The following THOC1 variants were observed in gnomAD, a reference collection of about 807,000 sequenced individuals.
THOC1 encodes the protein THO complex subunit 1.
In THOC1, 29 loss-of-function variants were observed where a neutral mutation model predicts 97.3. The ratio of observed to expected loss-of-function variants is 0.30; its 90% confidence interval spans 0.22 to 0.41. The LOEUF (loss-of-function observed/expected upper bound fraction) is 0.41. THOC1 is among the 10% of genes least tolerant of loss of function. The pLI is 1.00. For missense variants in THOC1, 529 were observed against 761.9 expected (o/e 0.69, Z 3.60); for synonymous variants, 255 against 257.0 (o/e 0.99, Z 0.07).
chr18:237,609 A>AG (rs1178272348), intron 11 of THOC1, among the ~76,000 whole-genome samples: 2 of 143,930 alleles, frequency 1.4e-5, no homozygotes, highest in Non-Finnish European at 3.0e-5. Flanking sequence ...CAGATTAGGA[A>AG]AAAAAAAATA....
In THOC1 at chr18:242,940, A is replaced by G. The variant is rs1471681972; in HGVS notation, c.918+3384T>C. 6.6e-6 allele frequency among the ~76,000 whole-genome samples: 1 copy of G among 152,230 alleles called. No homozygotes were observed. The highest frequency in any genetic ancestry group is 1.5e-5 in the Non-Finnish European group (1 of 68,046). On this transcript the variant is annotated intron_variant, in intron 11 of 20. Transcript: ENST00000261600. The surrounding 1 kb of genome is among the most constrained non-coding windows in gnomAD (Gnocchi z 4.5). ...TAAAATGTTGCATATTTTCCATGAT[A>G]CACGTAATGCATTACAAATATTTTC...
intron 17 of THOC1, among the ~76,000 whole-genome samples, chr18:223,066 A>G (rs186073529): frequency 2.0e-5 from 3 of 152,090 alleles, no homozygotes; most frequent in East Asian, 3.9e-4. Flanking sequence ...TACTTTACCT[A>G]TGTCTAGACT....
At chr18:250,639 G>A (rs912656515) in intron 9 of THOC1, among the ~76,000 whole-genome samples, 1 of 152,206 alleles carries the variant, frequency 6.6e-6, no homozygotes, top group Non-Finnish European at 1.5e-5. Flanking sequence ...GTAGGTAGAT[G>A]GGTAATGAGT....
chr18:224,454 C>T (rs1911204186), intron 15 of THOC1, among the ~76,000 whole-genome samples: 1 of 151,892 alleles, frequency 6.6e-6, no homozygotes. Context: ...TGGTAGGCGC[C>T]TGTAATCCCA....
chr18:221,112 A>T (rs1374364844), intron 17 of THOC1, among the ~76,000 whole-genome samples: 1 of 152,154 alleles, frequency 6.6e-6, no homozygotes, highest in African/African-American at 2.4e-5. Context: ...GGTTATTTAG[A>T]AGTGTGTTTA....
chr18:234,555 T>C (rs566961492), intron 11 of THOC1, among the ~76,000 whole-genome samples: 1 of 151,134 alleles, frequency 6.6e-6, no homozygotes, highest in African/African-American at 2.5e-5. Context: ...TTTTTTTTTG[T>C]TTTGTTTTTT....
In THOC1 at chr18:215,419, C is replaced by T. The variant is rs746775960; in HGVS notation, c.1678+10G>A. Reference sequence around the variant, plus strand: ...ATTTTGTTAAATAACCAAGAAAATTCAGTTCTTACTTTCATTTTCCTTCAG... The same window carrying T: ...ATTTTGTTAAATAACCAAGAAAATTTAGTTCTTACTTTCATTTTCCTTCAG... On this transcript the variant is annotated intron_variant, in intron 20 of 20. Coordinates refer to ENST00000261600, the MANE Select transcript of THOC1 (RefSeq NM_005131.3). 2.6e-5 allele frequency: 42 copies of T among 1,606,406 alleles called. No homozygotes were observed. The highest frequency in any genetic ancestry group is 3.5e-5 in the Non-Finnish European group (41 of 1,173,610).
chr18:245,381 TAGA>T (rs1302084234), intron 11 of THOC1: 1 of 152,198 alleles, frequency 6.6e-6, no homozygotes, highest in Non-Finnish European at 1.5e-5. Flanking sequence ...TCCAAAAGTC[TAGA>T]AGAAGTCTTA....
At chr18:250,404 C>G (rs1912241663) in intron 9 of THOC1, among the ~76,000 whole-genome samples, 1 of 152,094 alleles carries the variant, frequency 6.6e-6, no homozygotes, top group South Asian at 2.1e-4. Flanking sequence ...TTTACCCACA[C>G]AAAGCAAATG....
chr18:214,569 A>C lies in THOC1; in HGVS notation c.*57T>G. The C allele has an allele frequency of 6.9e-7, 1 of 1,439,268 alleles. No homozygotes were observed. The allele number at this position is 1,439,268 out of a possible 1,614,324, so 89.2% of individuals were successfully genotyped here. On this transcript the variant is annotated 3_prime_UTR_variant, in exon 21 of 21. Transcript: ENST00000261600. ...ACCAAAACCAGTGGACCTCTTATCA[A>C]ATGCTGCTTGGTAACAAAATCTATC... is the stretch of plus-strand genomic sequence containing the variant.
rs1912209139 is a variant in THOC1 at position 249,532 on chromosome 18, C to CGG, written c.678-1576_678-1575insCC. On this transcript the variant is annotated intron_variant, in intron 9 of 20. Transcript: ENST00000261600. The stretch of plus-strand genomic sequence containing the variant: ...CAAAAATTACCCAGGCATTGTGGTG[C>CGG]GTGCTTGTAGTCCCAGCTACTCAGG... Among the ~76,000 whole-genome samples, 3 of 152,038 alleles carry CGG rather than the reference C, an allele frequency of 2.0e-5. No individual in the cohort carries two copies. In the South Asian group the frequency reaches 6.2e-4, roughly 32 times the overall value.
chr18:244,467 C>T (rs1407471965), intron 11 of THOC1: 5 of 152,158 alleles, frequency 3.3e-5, no homozygotes, highest in South Asian at 4.2e-4. Context: ...ATATTTAACT[C>T]GGTATAAAAT....
At chr18:248,069 T>G in intron 9 of THOC1, 112 bp from the exon 10 acceptor site, 1 of 689,130 alleles carries the variant, frequency 1.5e-6, no homozygotes, top group South Asian at 2.2e-5. Flanking sequence ...ATGAAAGTTA[T>G]CAGAAAAGTA....
At chr18:246,586 A>G (rs1912095668) in intron 10 of THOC1, 131 bp from the exon 11 acceptor site, 1 of 670,540 alleles carries the variant, frequency 1.5e-6, no homozygotes, top group African/African-American at 1.9e-5. Context: ...AGGCACACTA[A>G]CAATACAAAT....
At chr18:223,770 A>G (rs1185605922) in intron 16 of THOC1, among the ~76,000 whole-genome samples, 1 of 152,222 alleles carries the variant, frequency 6.6e-6, no homozygotes, top group Non-Finnish European at 1.5e-5. Context: ...AGCAATGAAT[A>G]GTTAACTGGA....
intron 7 of THOC1, among the ~76,000 whole-genome samples, chr18:258,255 T>C (rs566847489): frequency 8.6e-5 from 13 of 151,650 alleles, no homozygotes; most frequent in African/African-American, 3.1e-4. Flanking sequence ...CTTATACCTA[T>C]TGGGAGGAGG....
In THOC1 at chr18:214,833, A is replaced by G; in HGVS notation, c.1767T>C (p.Ala589=). The G allele has an allele frequency of 6.2e-7, 1 of 1,613,870 alleles. No homozygotes were observed. ...CTGAGTCTTTCATTTCCAAGTAGGG[A>G]GCCAGAATCTTCCATTGTTCACCCA... The part of the protein sequence containing the change: ...NKLGEQWKIL[A]PYLEMKDSEI... Residue 589 remains alanine, a synonymous_variant, in exon 21 of 21, where the codon GCT becomes GCC. Coordinates refer to ENST00000261600, the MANE Select transcript of THOC1 (RefSeq NM_005131.3).
rs201737592 is a variant in THOC1 at position 214,849 on chromosome 18, T to C, written c.1751A>G (p.Gln584Arg). 1.6e-4 allele frequency: 262 copies of C among 1,613,976 alleles called. No homozygotes were observed. Among genetic ancestry groups the C allele is most frequent in the South Asian group, 5.1e-4 (46 of 91,078 alleles). Residue 584 changes from glutamine to arginine, a missense_variant, in exon 21 of 21, where the codon CAA becomes CGA. Transcript: ENST00000261600. ...IEVFANKLGE[Q>R]WKILAPYLEM... ...CAAGTAGGGAGCCAGAATCTTCCATTGTTCACCCAGCTTGTTGGCAAATAC... is the reference window on the plus strand; with the variant it reads ...CAAGTAGGGAGCCAGAATCTTCCATCGTTCACCCAGCTTGTTGGCAAATAC...
At chr18:249,753 A>G in intron 9 of THOC1, among the ~76,000 whole-genome samples, 1 of 152,190 alleles carries the variant, frequency 6.6e-6, no homozygotes, top group African/African-American at 2.4e-5. Flanking sequence ...AATTATTTAC[A>G]TTCATGAAAG....
Sources: gnomAD v4.1 joint callset for allele counts (sites outside exome capture counted in the v4.1 genomes callset) on GRCh38, gnomAD v4.1.1 for gene constraint, Gnocchi (gnomAD v3.1) non-coding constraint, MANE v1.5 for transcripts, NCBI Gene and HGNC (gene_info 2026-07-23, HGNC 2026-07-21) for gene names.